The following SLC9A8 variants were observed in gnomAD, a reference collection of about 807,000 sequenced individuals.
SLC9A8 encodes solute carrier family 9 member A8.
A neutral mutation model predicts 66.6 loss-of-function variants in SLC9A8; 48 were observed. That is an observed-to-expected ratio of 0.72 (90% CI 0.57 to 0.92). The LOEUF (loss-of-function observed/expected upper bound fraction) is 0.92, where lower values mean the gene tolerates loss of function less well. Among genes scored for constraint, SLC9A8 ranks in the 40% least tolerant of loss-of-function variants. The pLI, the probability that SLC9A8 is intolerant of heterozygous loss-of-function variation, is 0.00. For missense variants in SLC9A8, 599 were observed against 747.3 expected (o/e 0.80, Z 2.31); for synonymous variants, 274 against 282.6 (o/e 0.97, Z 0.31).
intron 4 of SLC9A8, among the ~76,000 whole-genome samples, chr20:49,842,764 G>A (rs1034989958): frequency 6.6e-6 from 1 of 152,192 alleles, no homozygotes; most frequent in African/African-American, 2.4e-5. Flanking sequence ...CACAAACTAA[G>A]TGGCCTAAAA....
chr20:49,817,888 G>C (rs984895792), intron 2 of SLC9A8, among the ~76,000 whole-genome samples: 1 of 152,002 alleles, frequency 6.6e-6, no homozygotes, highest in Admixed American at 6.6e-5. Flanking sequence ...GATAGTAGTC[G>C]AAGACAAAGA....
At chr20:49,816,441 C>A (rs186566477) in intron 2 of SLC9A8, among the ~76,000 whole-genome samples, 72 of 151,018 alleles carry the variant, frequency 4.8e-4, no homozygotes, top group South Asian at 4.2e-3. Context: ...ACAAAAAAAA[C>A]CAAAAAACTA....
chr20:49,814,877 G>A, intron 1 of SLC9A8, 131 bp from the exon 2 acceptor site: 2 of 632,392 alleles, frequency 3.2e-6, no homozygotes. Flanking sequence ...AGTTTCTCTC[G>A]AAGGCCTGCC....
chr20:49,857,446 G>A (rs570332062), intron 8 of SLC9A8, among the ~76,000 whole-genome samples: 9 of 152,326 alleles, frequency 5.9e-5, no homozygotes, highest in Non-Finnish European at 1.0e-4. Context: ...GGCTGGGCGC[G>A]GTGGCTCACG....
rs1568883511 is a variant in SLC9A8 at position 49,884,246 on chromosome 20, C to CACACACG, written c.1491+186_1491+187insGACACAC. 239 of 356,054 alleles carry CACACACG rather than the reference C, an allele frequency of 6.7e-4. 1 individual carries two copies. The highest frequency in any genetic ancestry group is 3.0e-3 in the East Asian group (56 of 18,702). The allele number at this position is 356,054 out of a possible 1,614,324, so 22.1% of individuals were successfully genotyped here. A position where few individuals can be genotyped will look rare whatever the true frequency, so the allele number is the denominator to read the frequency against. On this transcript the variant is annotated intron_variant, in intron 14 of 15. Transcript: ENST00000361573. The stretch of plus-strand genomic sequence containing the variant: ...CACACACACACACACACACACGACA[C>CACACACG]ACACACACACACGACACACACACAC...
chr20:49,850,586 T>C (rs1446021352), intron 6 of SLC9A8, among the ~76,000 whole-genome samples: 4 of 152,244 alleles, frequency 2.6e-5, no homozygotes, highest in African/African-American at 9.6e-5. Flanking sequence ...CTACAGTTAA[T>C]TGGGCTTGAA....
chr20:49,887,736 TAGACACCCCACACA>T, intron 15 of SLC9A8, 79 bp from the exon 16 acceptor site: 1 of 955,546 alleles, frequency 1.0e-6, no homozygotes, highest in South Asian at 1.6e-5. Context: ...ACCTCCTCCC[TAGACACCCCACACA>T]AAACACCCAG....
In SLC9A8 at chr20:49,849,647, T is replaced by C. The variant is rs1447262580; in HGVS notation, c.501T>C (p.Phe167=). Reference sequence around the variant, plus strand: ...TTTTTGGGACGGCAATCTCCGCTTTTGTAGTAGGTGGAGGAATTTATTTTC... The same window carrying C: ...TTTTTGGGACGGCAATCTCCGCTTTCGTAGTAGGTGGAGGAATTTATTTTC... ...FAVFGTAISA[F]VVGGGIYFLG... The change falls in exon 6 of 16, where the codon TTT becomes TTC. Residue 167 remains phenylalanine, a synonymous_variant. Transcript: ENST00000361573. 1 of 1,613,594 alleles carries C rather than the reference T, an allele frequency of 6.2e-7. No individual in the cohort carries two copies. The highest frequency in any genetic ancestry group is 8.5e-7 in the Non-Finnish European group (1 of 1,179,484).
chr20:49,860,605 C>T (rs1200340080), intron 8 of SLC9A8, among the ~76,000 whole-genome samples: 1 of 151,982 alleles, frequency 6.6e-6, no homozygotes, highest in Non-Finnish European at 1.5e-5. Context: ...TCTGTAGTCC[C>T]AGCTACTTGG....
chr20:49,815,755 AG>A (rs1200850477), intron 2 of SLC9A8, among the ~76,000 whole-genome samples: 1 of 151,870 alleles, frequency 6.6e-6, no homozygotes, highest in Non-Finnish European at 1.5e-5. Context: ...AAAAAAAAAA[AG>A]AATCTTGAAC....
chr20:49,830,845 A>G (rs1243180626), intron 3 of SLC9A8: 39 of 1,441,436 alleles, frequency 2.7e-5, no homozygotes, highest in Admixed American at 5.1e-5. Context: ...GACATCCTCA[A>G]TCAGGGACAG....
intron 2 of SLC9A8, among the ~76,000 whole-genome samples, chr20:49,816,851 C>T (rs1600620152): frequency 6.6e-6 from 1 of 152,134 alleles, no homozygotes; most frequent in South Asian, 2.1e-4. Flanking sequence ...GCCTCAGCCT[C>T]CCAAGTAGCT....
In SLC9A8 at chr20:49,818,889, C is replaced by T. The variant is rs17788581; in HGVS notation, c.208+3700C>T. ...CTCAAGTGAATTAAGGGAAATTAGC[C>T]CATAGTTTATTCTAGACCTCAGAAC... On this transcript the variant is annotated intron_variant, in intron 2 of 15. Coordinates refer to ENST00000361573, the MANE Select transcript of SLC9A8 (RefSeq NM_015266.3). Among the ~76,000 whole-genome samples the T allele has an allele frequency of 1.4e-3, 212 of 152,148 alleles. 10 individuals are homozygous for T. The East Asian group carries it at 0.037, about 26-fold the overall frequency.
At chr20:49,818,499 T>TAA (rs1406297759) in intron 2 of SLC9A8, among the ~76,000 whole-genome samples, 1 of 148,910 alleles carries the variant, frequency 6.7e-6, no homozygotes, top group Non-Finnish European at 1.5e-5. Context: ...TTTTTTTTTT[T>TAA]TTTCCCCCTG....
At chr20:49,882,762 C>A (rs986695614) in intron 13 of SLC9A8, among the ~76,000 whole-genome samples, 1 of 152,220 alleles carries the variant, frequency 6.6e-6, no homozygotes, top group African/African-American at 2.4e-5. Context: ...GCTGGGTACA[C>A]ACCCTGTTAA....
chr20:49,821,042 G>C (rs1215599624), intron 2 of SLC9A8, among the ~76,000 whole-genome samples: 2 of 152,076 alleles, frequency 1.3e-5, no homozygotes, highest in Admixed American at 1.3e-4. Context: ...ACCTTTATCA[G>C]ATATATGATT....
chr20:49,815,243 G>A (rs1259642061), intron 2 of SLC9A8, 54 bp downstream of exon 2: 9 of 1,417,842 alleles, frequency 6.3e-6, no homozygotes, highest in South Asian at 6.0e-5. Context: ...CTGTGTGCTC[G>A]GTCTGTGTGT....
chr20:49,872,449 T>C (rs1426495248), intron 10 of SLC9A8, among the ~76,000 whole-genome samples: 1 of 63,506 alleles, frequency 1.6e-5, no homozygotes, highest in Non-Finnish European at 3.0e-5. Context: ...AGTGCTGTGA[T>C]TTTCACCCTT....
At chr20:49,830,977 C>A in intron 3 of SLC9A8, 3 of 763,052 alleles carry the variant, frequency 3.9e-6, no homozygotes, top group Non-Finnish European at 7.3e-6. Context: ...GCAATGCGGT[C>A]AACTCTCTGA....
Sources: allele counts gnomAD v4.1 joint callset (sites outside exome capture counted in the v4.1 genomes callset), GRCh38; gene constraint gnomAD v4.1.1; transcripts MANE v1.5; gene names NCBI Gene and HGNC (gene_info 2026-07-23, HGNC 2026-07-21).